The following EME2 variants were observed in gnomAD, a reference collection of about 807,000 sequenced individuals.
EME2 encodes structure-specific endonuclease subunit EME2.
A neutral mutation model predicts 41.9 loss-of-function variants in EME2; 58 were observed. That is an observed-to-expected ratio of 1.38 (90% CI 1.12 to 1.72). EME2 has a LOEUF of 1.72. EME2 is among the 40% of genes most tolerant of loss of function. EME2 has a pLI of 0.00. For synonymous variants in EME2, 334 were observed against 239.3 expected, an observed-to-expected ratio of 1.40 and a Z score of -3.65; for missense variants, 695 against 541.9, an observed-to-expected ratio of 1.28 and a Z score of -2.81.
chr16:1,778,121 C>CT lies in EME2; in HGVS notation c.*1883_*1884insT, dbSNP rs1448940065. The CT allele has an allele frequency of 6.2e-7, 1 of 1,612,624 alleles. No homozygotes were observed. Among genetic ancestry groups the CT allele is most frequent in the Non-Finnish European group, 8.5e-7 (1 of 1,179,740 alleles). On this transcript the variant is annotated 3_prime_UTR_variant, in exon 8 of 8. Coordinates refer to ENST00000568449, the MANE Select transcript of EME2 (RefSeq NM_001257370.2). ...CAGGTTCCCCAGAAGCACCCTGGGCCGAAGCAACTTACCATGTCGGTGCCG... is the reference window on the plus strand; with the variant it reads ...CAGGTTCCCCAGAAGCACCCTGGGCCTGAAGCAACTTACCATGTCGGTGCCG...
rs1481816693 is a variant in EME2 at position 1,773,868 on chromosome 16, C to T, written c.384+27C>T. ...TGAGTGGTCGCGGGTTCCCGAGGGC[C>T]AGCCGCGAGTTGGCTGTTTTGCTTC... On this transcript the variant is annotated intron_variant, in intron 2 of 7. Coordinates refer to ENST00000568449, the MANE Select transcript of EME2 (RefSeq NM_001257370.2). 4 of 1,520,742 alleles carry T rather than the reference C, an allele frequency of 2.6e-6. No homozygotes were observed. The African/African-American group carries it at 5.5e-5, about 21-fold the overall frequency. 94.2% of individuals were successfully genotyped at this position (1,520,742 alleles called of 1,614,324 possible). A position where few individuals can be genotyped will look rare whatever the true frequency, so the allele number is the denominator to read the frequency against.
intron 4 of EME2, 78 bp from the exon 5 acceptor site, chr16:1,775,237 A>C: frequency 6.3e-7 from 1 of 1,589,710 alleles, no homozygotes; most frequent in Non-Finnish European, 8.6e-7. Flanking sequence ...CCACTTCTCC[A>C]GGTGGGCTCT....
chr16:1,781,057 T>C lies in EME2; in HGVS notation c.*4819T>C, dbSNP rs756695167. On this transcript the variant is annotated 3_prime_UTR_variant, in exon 8 of 8. Transcript: ENST00000568449. ...CCCGTAGTGGAGAATTTCTGTTGAA[T>C]GAACCAAAAGCAACTGCCAACCTCT... 20 of 932,968 alleles carry C rather than the reference T, an allele frequency of 2.1e-5. No homozygotes were observed. The highest frequency in any genetic ancestry group is 3.0e-5 in the Non-Finnish European group (20 of 664,998). The allele number at this position is 932,968 out of a possible 1,614,324, so 57.8% of individuals were successfully genotyped here.
At position 1,779,270 on chromosome 16, in the gene EME2, G is replaced by A. The variant is rs2042759226; in HGVS notation, c.*3032G>A. On this transcript the variant is annotated 3_prime_UTR_variant, in exon 8 of 8. Transcript: ENST00000568449. ...ACCAGAACGTGAGCTCCTTGTGGGA[G>A]GCAGTGCCCCTCCCAGCCTCCTCCC... 1 of 152,414 alleles carries A rather than the reference G, an allele frequency of 6.6e-6. No individual in the cohort carries two copies. Among genetic ancestry groups the A allele is most frequent in the Non-Finnish European group, 1.5e-5 (1 of 68,186 alleles). The allele number at this position is 152,414 out of a possible 1,614,324, so 9.4% of individuals were successfully genotyped here.
In EME2 at chr16:1,775,406, G is replaced by A. The variant is rs146708149; in HGVS notation, c.661G>A (p.Glu221Lys). 3.9e-4 allele frequency: 627 copies of A among 1,612,690 alleles called. 8 individuals carry two copies. The African/African-American group carries it at 7.3e-3, about 19-fold the overall frequency. Reference sequence around the variant, plus strand: ...GGCCGTCAGCTGGCCGGAGGTGGAAGAGGTGAGGGCCTGTCTGAGCTGGGT... The same window carrying A: ...GGCCGTCAGCTGGCCGGAGGTGGAAAAGGTGAGGGCCTGTCTGAGCTGGGT... The part of the protein sequence containing the change: ...EVAVSWPEVE[E>K]ALVLLQLWAN... Residue 221 changes from glutamate to lysine, a missense_variant and splice_region_variant, in exon 5 of 8, where the codon GAG becomes AAG. Coordinates refer to ENST00000568449, the MANE Select transcript of EME2 (RefSeq NM_001257370.2).
Position 1,772,821 on chromosome 16 carries a change from A to G in EME2, c.-407A>G, listed in dbSNP as rs1449593942. ...CACCTGCGCCGTGTAGTCGGGCCGCACCCGCGTGAGGCGCCAGTAGCACGG... is the reference window on the plus strand; with the variant it reads ...CACCTGCGCCGTGTAGTCGGGCCGCGCCCGCGTGAGGCGCCAGTAGCACGG... On this transcript the variant is annotated 5_prime_UTR_variant, in exon 1 of 8. Transcript: ENST00000568449. The G allele has an allele frequency of 2.8e-6, 4 of 1,445,486 alleles. No individual in the cohort carries two copies. The highest frequency in any genetic ancestry group is 3.6e-6 in the Non-Finnish European group (4 of 1,104,286). 89.5% of individuals were successfully genotyped at this position (1,445,486 alleles called of 1,614,324 possible).
At position 1,773,376 on chromosome 16, in the gene EME2, C is replaced by G. The variant is rs767992290; in HGVS notation, c.149C>G (p.Ala50Gly). 3 of 1,549,258 alleles carry G rather than the reference C, an allele frequency of 1.9e-6. No homozygotes were observed. Among genetic ancestry groups the G allele is most frequent in the Non-Finnish European group, 2.6e-6 (3 of 1,157,658 alleles). The change falls in exon 1 of 8, where the codon GCC (alanine) becomes GGC (glycine). Residue 50 changes from alanine (A) to glycine (G), a missense_variant. By Grantham distance (60) the Ala-to-Gly change is moderately conservative. Transcript: ENST00000568449. ...GCCGGCTCGGAGGCCGCCGCGAGAGCCCGGGACCCAGCGGGTGAGCGCAGG... is the reference window on the plus strand; with the variant it reads ...GCCGGCTCGGAGGCCGCCGCGAGAGGCCGGGACCCAGCGGGTGAGCGCAGG... ...DSAGSEAAAR[A>G]RDPAGERRAA...
chr16:1,778,137 G>A lies in EME2; in HGVS notation c.*1899G>A. ...ACCCTGGGCCGAAGCAACTTACCAT[G>A]TCGGTGCCGTAGACGGGAGAGGTCA... is the stretch of plus-strand genomic sequence containing the variant. On this transcript the variant is annotated 3_prime_UTR_variant, in exon 8 of 8. Coordinates refer to ENST00000568449, the MANE Select transcript of EME2 (RefSeq NM_001257370.2). 6.2e-7 allele frequency: 1 copy of A among 1,612,728 alleles called. No homozygotes were observed. The highest frequency in any genetic ancestry group is 8.5e-7 in the Non-Finnish European group (1 of 1,179,696).
Position 1,775,793 on chromosome 16 carries a change from C to G in EME2, c.780-4C>G, listed in dbSNP as rs558309374. ...GGTTCTAAAAGGCTTCTCTCTGTCC[C>G]CAGGCAGTACCGGGAATCCCAGGCC... On this transcript the variant is annotated splice_polypyrimidine_tract_variant and splice_region_variant and intron_variant, in intron 6 of 7. Transcript: ENST00000568449. 1.2e-6 allele frequency: 2 copies of G among 1,612,450 alleles called. No individual in the cohort carries two copies. Among genetic ancestry groups the G allele is most frequent in the Middle Eastern group, 3.3e-4 (2 of 6,058 alleles).
chr16:1,778,437 T>G lies in EME2; in HGVS notation c.*2199T>G, dbSNP rs1645816240. The G allele has an allele frequency of 6.2e-7, 1 of 1,608,782 alleles. No homozygotes were observed. Among genetic ancestry groups the G allele is most frequent in the African/African-American group, 1.3e-5 (1 of 74,814 alleles). ...CAGGGGCTGGGCCCCACGCTCACAC[T>G]CGTCTTCCTCTCCGCAGCGGCAGTC... On this transcript the variant is annotated 3_prime_UTR_variant, in exon 8 of 8. Transcript: ENST00000568449.
rs1019934145 is a variant in EME2 at position 1,777,614 on chromosome 16, C to A, written c.*1376C>A. ...CCAGCCTGGCCTCACTGTCCCACCC[C>A]CTGGGACCCTGGGGCCTCAGGCTTC... On this transcript the variant is annotated 3_prime_UTR_variant, in exon 8 of 8. Coordinates refer to ENST00000568449, the MANE Select transcript of EME2 (RefSeq NM_001257370.2). The A allele has an allele frequency of 3.4e-6, 5 of 1,465,174 alleles. No individual in the cohort carries two copies. The highest frequency in any genetic ancestry group is 3.7e-6 in the Non-Finnish European group (4 of 1,089,386). The allele number at this position is 1,465,174 out of a possible 1,614,324, so 90.8% of individuals were successfully genotyped here. A position where few individuals can be genotyped will look rare whatever the true frequency, so the allele number is the denominator to read the frequency against.
Position 1,781,420 on chromosome 16 carries a change from C to A in EME2, c.*5182C>A. On this transcript the variant is annotated 3_prime_UTR_variant, in exon 8 of 8. Coordinates refer to ENST00000568449, the MANE Select transcript of EME2 (RefSeq NM_001257370.2). ...GCTAGAGCCACGGCCCGGGCATCTG[C>A]GTCTCGGCGGGCTGCACTCAGGACG... 1 of 1,612,830 alleles carries A rather than the reference C, an allele frequency of 6.2e-7. No homozygotes were observed. Among genetic ancestry groups the A allele is most frequent in the Non-Finnish European group, 8.5e-7 (1 of 1,179,994 alleles).
Position 1,772,957 on chromosome 16 carries a change from A to G in EME2, c.-271A>G, listed in dbSNP as rs1287292098. 2.1e-6 allele frequency: 3 copies of G among 1,449,998 alleles called. No homozygotes were observed. Among genetic ancestry groups the G allele is most frequent in the African/African-American group, 3.0e-5 (2 of 66,842 alleles). 89.8% of individuals were successfully genotyped at this position (1,449,998 alleles called of 1,614,324 possible). ...CGGCTCTCGCGGCGCACGTCGGCCC[A>G]GGCCCGGACCGGCAGCCGGCGTCCA... On this transcript the variant is annotated 5_prime_UTR_variant, in exon 1 of 8. Coordinates refer to ENST00000568449, the MANE Select transcript of EME2 (RefSeq NM_001257370.2).
rs545268772 is a variant in EME2, at chr16:1,780,999, C to T, written c.*4761C>T. 1 of 449,072 alleles carries T rather than the reference C, an allele frequency of 2.2e-6. No homozygotes were observed. Among genetic ancestry groups the T allele is most frequent in the Non-Finnish European group, 3.8e-6 (1 of 260,770 alleles). 27.8% of individuals were successfully genotyped at this position (449,072 alleles called of 1,614,324 possible). ...CCTCCAGCTTCAGCCTCCCAAAGTGCTAGGATTATAGGTGTGAGCCACAGT... is the reference window on the plus strand; with the variant it reads ...CCTCCAGCTTCAGCCTCCCAAAGTGTTAGGATTATAGGTGTGAGCCACAGT... On this transcript the variant is annotated 3_prime_UTR_variant, in exon 8 of 8. Coordinates refer to ENST00000568449, the MANE Select transcript of EME2 (RefSeq NM_001257370.2).
chr16:1,775,466 C>T (rs2141983065), intron 5 of EME2, 58 bp downstream of exon 5: 1 of 1,598,764 alleles, frequency 6.3e-7, no homozygotes, highest in Non-Finnish European at 8.6e-7. Flanking sequence ...GATTGGGCTG[C>T]TGGCTGGGTT....
In EME2 at chr16:1,778,290, C is replaced by T. The variant is rs1241980404; in HGVS notation, c.*2052C>T. ...CACAGCTCAGCAGGGTGGCTGATGA[C>T]TTATTTAAGTCATCCCAGACCCAGT... On this transcript the variant is annotated 3_prime_UTR_variant, in exon 8 of 8. Transcript: ENST00000568449. 6.2e-7 allele frequency: 1 copy of T among 1,612,612 alleles called. No individual in the cohort carries two copies. The highest frequency in any genetic ancestry group is 8.5e-7 in the Non-Finnish European group (1 of 1,179,984).
chr16:1,777,229 C>G lies in EME2; in HGVS notation c.*991C>G. On this transcript the variant is annotated 3_prime_UTR_variant, in exon 8 of 8. Transcript: ENST00000568449. The stretch of plus-strand genomic sequence containing the variant: ...AACTCATGCTCAGGACCCAGCCCAG[C>G]TTGTTGTGTAGCACCTGCTTGAGGC... The G allele has an allele frequency of 6.2e-7, 1 of 1,610,900 alleles. No individual in the cohort carries two copies. Among genetic ancestry groups the G allele is most frequent in the Non-Finnish European group, 8.5e-7 (1 of 1,179,870 alleles).
At position 1,781,173 on chromosome 16, in the gene EME2, G is replaced by A. The variant is rs889449965; in HGVS notation, c.*4935G>A. 6.5e-7 allele frequency: 1 copy of A among 1,533,860 alleles called. No homozygotes were observed. The highest frequency in any genetic ancestry group is 8.7e-7 in the Non-Finnish European group (1 of 1,145,282). ...ACCCCTGAGGCTGTGTGTGTCCTTT[G>A]CCAAATTAAAGAGTCTTACTGAATG... is the stretch of plus-strand genomic sequence containing the variant. On this transcript the variant is annotated 3_prime_UTR_variant, in exon 8 of 8. Transcript: ENST00000568449.
At chr16:1,775,263 C>G (rs370553621) in intron 4 of EME2, 52 bp from the exon 5 acceptor site, 3 of 1,602,170 alleles carry the variant, frequency 1.9e-6, no homozygotes, top group Non-Finnish European at 2.6e-6. Flanking sequence ...AGGCCAAGCT[C>G]GGGCAGGGCA....
Sources: gnomAD v4.1 joint callset for allele counts on GRCh38, gnomAD v4.1.1 for gene constraint, MANE v1.5 for transcripts, NCBI Gene and HGNC (gene_info 2026-07-23, HGNC 2026-07-21) for gene names.